Variants in GABRA6 observed in about 807,000 individuals in gnomAD.
GABRA6 encodes gamma-aminobutyric acid receptor subunit alpha-6.
Under a neutral mutation model 47.3 loss-of-function variants are expected in GABRA6, and 45 were observed. The observed-to-expected ratio is 0.95, with a 90% confidence interval of 0.75 to 1.22. The LOEUF is 1.22. Ranked by LOEUF, GABRA6 falls within the 50% of genes most tolerant of loss-of-function variation. The pLI is 0.00. For missense variants in GABRA6, 583 were observed against 549.3 expected (o/e 1.06, Z -0.61); for synonymous variants, 219 against 194.7 (o/e 1.12, Z -1.04).
At chr5:161,690,696 A>G (rs577755065) in intron 7 of GABRA6, among the ~76,000 whole-genome samples, 1 of 152,204 alleles carries the variant, frequency 6.6e-6, no homozygotes, top group Non-Finnish European at 1.5e-5. Flanking sequence ...AAGGTATTGA[A>G]CACAGTAATA....
intron 8 of GABRA6, among the ~76,000 whole-genome samples, chr5:161,693,855 A>G (rs1754844837): frequency 6.6e-6 from 1 of 152,064 alleles, no homozygotes; most frequent in Admixed American, 6.6e-5. Flanking sequence ...AAGAAGAAGA[A>G]CCTTTGAAAT....
At chr5:161,697,056 G>A (rs1754898743) in intron 8 of GABRA6, among the ~76,000 whole-genome samples, 1 of 152,168 alleles carries the variant, frequency 6.6e-6, no homozygotes, top group South Asian at 2.1e-4. Context: ...ATAGTTGATT[G>A]TCATAAAGTC....
At chr5:161,687,087 C>T in intron 3 of GABRA6, 84 bp downstream of exon 3, 1 of 1,073,596 alleles carries the variant, frequency 9.3e-7, no homozygotes, top group East Asian at 2.4e-5. Context: ...GGCATTGCCG[C>T]CAAGCTTGGC....
chr5:161,695,131 T>G (rs1754865976), intron 8 of GABRA6, among the ~76,000 whole-genome samples: 1 of 152,160 alleles, frequency 6.6e-6, no homozygotes, highest in Admixed American at 6.5e-5. Flanking sequence ...TTGTATATTT[T>G]AATATGTTCA....
rs1024407569 is a variant in GABRA6 at position 161,690,338 on chromosome 5, G to T, written c.811G>T (p.Ala271Ser). The change falls in exon 7 of 9, where the codon GCA becomes TCA. Residue 271 changes from alanine to serine, a missense_variant. Transcript: ENST00000274545. ...CTGGATTAATAAGGAGTCCGTCCCA[G>T]CAAGAACTGTTTTTGGTATATGTCA... ...SFWINKESVP[A>S]RTVFGITTVL... The T allele has an allele frequency of 6.8e-6, 11 of 1,613,488 alleles. No homozygotes were observed. The highest frequency in any genetic ancestry group is 9.3e-6 in the Non-Finnish European group (11 of 1,179,848).
intron 8 of GABRA6, among the ~76,000 whole-genome samples, chr5:161,695,548 T>C (rs1358366823): frequency 2.0e-5 from 3 of 152,038 alleles, no homozygotes; most frequent in African/African-American, 7.2e-5. Flanking sequence ...AAGACCAACT[T>C]TGGTCCTTGA....
intron 8 of GABRA6, among the ~76,000 whole-genome samples, chr5:161,696,089 G>A (rs1754881384): frequency 6.6e-6 from 1 of 152,176 alleles, no homozygotes; most frequent in African/African-American, 2.4e-5. Context: ...GTCTAACTCA[G>A]TCTGGAGAGG....
At chr5:161,694,468 G>A (rs571477126) in intron 8 of GABRA6, among the ~76,000 whole-genome samples, 7 of 151,968 alleles carry the variant, frequency 4.6e-5, no homozygotes, top group South Asian at 2.1e-4. Context: ...TGGAGAAAAC[G>A]TAATCACCCC....
At chr5:161,687,861 A>T (rs1754727780) in intron 3 of GABRA6, among the ~76,000 whole-genome samples, 1 of 152,184 alleles carries the variant, frequency 6.6e-6, no homozygotes, top group South Asian at 2.1e-4. Context: ...AGGAAAAGAA[A>T]GAAGAAATAA....
At chr5:161,691,688 A>G (rs1024679281) in intron 7 of GABRA6, among the ~76,000 whole-genome samples, 1 of 152,066 alleles carries the variant, frequency 6.6e-6, no homozygotes, top group Non-Finnish European at 1.5e-5. Flanking sequence ...TAAATTTTAC[A>G]ATAACTAGTT....
chr5:161,689,444 C>T (rs1446626838), intron 5 of GABRA6, 108 bp downstream of exon 5: 1 of 1,072,720 alleles, frequency 9.3e-7, no homozygotes, highest in East Asian at 2.5e-5. Context: ...ATGACACTAT[C>T]AGTGTGATTC....
chr5:161,695,833 C>G (rs1754876714), intron 8 of GABRA6, among the ~76,000 whole-genome samples: 1 of 151,786 alleles, frequency 6.6e-6, no homozygotes, highest in South Asian at 2.1e-4. Flanking sequence ...CATCTGGCAC[C>G]TATTTATTGA....
Position 161,685,888 on chromosome 5 carries a change from T to C in GABRA6, c.-102T>C. On this transcript the variant is annotated 5_prime_UTR_variant, in exon 1 of 9. It removes an upstream start codon present in the reference 5' UTR. Transcript: ENST00000274545. Reference sequence around the variant, plus strand: ...TTGAGGCAAACAAGGAACAGAGATATGAAGGGTTTGAAAGATTTCTCCAGT... The same window carrying C: ...TTGAGGCAAACAAGGAACAGAGATACGAAGGGTTTGAAAGATTTCTCCAGT... The C allele has an allele frequency of 1.1e-6, 1 of 943,348 alleles. No individual in the cohort carries two copies. The highest frequency in any genetic ancestry group is 1.3e-5 in the South Asian group (1 of 77,514). 58.4% of individuals were successfully genotyped at this position (943,348 alleles called of 1,614,324 possible).
chr5:161,691,074 C>G (rs1165685281), intron 7 of GABRA6, among the ~76,000 whole-genome samples: 1 of 151,674 alleles, frequency 6.6e-6, no homozygotes, highest in East Asian at 1.9e-4. Context: ...TATAAATTCC[C>G]CAGGCCATAG....
In GABRA6 at chr5:161,689,375, C is replaced by T. The variant is rs755074342; in HGVS notation, c.529+39C>T. ...GGCTTCTGAGAGTCAAATAATACAT[C>T]CAAAATATATAATTACTTGGTTTTA... On this transcript the variant is annotated intron_variant, in intron 5 of 8. Coordinates refer to ENST00000274545, the MANE Select transcript of GABRA6 (RefSeq NM_000811.3). The T allele has an allele frequency of 9.3e-6, 14 of 1,500,634 alleles. No individual in the cohort carries two copies. In the African/African-American group the frequency reaches 1.5e-4, roughly 16 times the overall value. 93.0% of individuals were successfully genotyped at this position (1,500,634 alleles called of 1,614,324 possible). A position where few individuals can be genotyped will look rare whatever the true frequency, so the allele number is the denominator to read the frequency against.
chr5:161,692,403 G>A (rs1339834894), intron 8 of GABRA6, among the ~76,000 whole-genome samples: 2 of 152,126 alleles, frequency 1.3e-5, no homozygotes, highest in Non-Finnish European at 2.9e-5. Context: ...TGTAAACTTT[G>A]GGCATTCTTC....
At chr5:161,691,420 G>C (rs1049586693) in intron 7 of GABRA6, among the ~76,000 whole-genome samples, 1 of 147,704 alleles carries the variant, frequency 6.8e-6, no homozygotes, top group East Asian at 2.1e-4. Flanking sequence ...CTCAGCCTCC[G>C]GAGTAGCTGG....
At chr5:161,686,382 G>A (rs1399982871) in intron 2 of GABRA6, 34 bp downstream of exon 2, 1 of 1,489,046 alleles carries the variant, frequency 6.7e-7, no homozygotes, top group South Asian at 1.1e-5. Context: ...ACAAACACCT[G>A]TAGTTTCCTT....
At chr5:161,689,988 T>C in intron 6 of GABRA6, 1 of 670,034 alleles carries the variant, frequency 1.5e-6, no homozygotes, top group Non-Finnish European at 2.5e-6. Context: ...TTTTTATGTA[T>C]ATGATATAAA....
Sources: gnomAD v4.1 joint callset for allele counts (sites outside exome capture counted in the v4.1 genomes callset) on GRCh38, gnomAD v4.1.1 for gene constraint, MANE v1.5 for transcripts, NCBI Gene and HGNC (gene_info 2026-07-23, HGNC 2026-07-21) for gene names.